Variants in KSR2 observed in about 807,000 individuals in gnomAD.
The protein encoded by KSR2 is kinase suppressor of ras 2.
Under a neutral mutation model 107.8 loss-of-function variants are expected in KSR2, and 25 were observed. The ratio of observed to expected loss-of-function variants is 0.23; its 90% CI spans 0.17 to 0.32. The LOEUF is 0.32. Ranked by LOEUF, KSR2 falls within the 10% of genes least tolerant of loss-of-function variation. The pLI is 1.00. For synonymous variants in KSR2, 480 were observed against 507.0 expected (o/e 0.95, Z 0.71); for missense variants, 887 against 1,268.9 (o/e 0.70, Z 4.57).
At position 117,822,248 on chromosome 12, in the gene KSR2, TA is replaced by T. The variant is rs546127140; in HGVS notation, c.472+33179del. On this transcript the variant is annotated intron_variant, in intron 3 of 19. Coordinates refer to ENST00000339824, the MANE Select transcript of KSR2 (RefSeq NM_173598.6). ...CCTTGGGGCTGCTCTGTCTATGGAG[TA>T]GCCATTCTTTTATTTCTCTACTTTC... is the stretch of plus-strand genomic sequence containing the variant. Among the ~76,000 whole-genome samples the T allele has an allele frequency of 2.5e-3, 378 of 152,180 alleles. 2 individuals are homozygous for T. The highest frequency in any genetic ancestry group is 8.6e-3 in the African/African-American group (355 of 41,506).
At chr12:117,665,722 C>T (rs1276854458) in intron 5 of KSR2, among the ~76,000 whole-genome samples, 1 of 152,226 alleles carries the variant, frequency 6.6e-6, no homozygotes, top group Non-Finnish European at 1.5e-5. Context: ...CATGCATGAG[C>T]TCATCTAATC....
intron 7 of KSR2, among the ~76,000 whole-genome samples, chr12:117,572,597 G>A (rs2136218946): frequency 6.6e-6 from 1 of 151,200 alleles, no homozygotes; most frequent in South Asian, 2.1e-4. Context: ...AATCTGAGAA[G>A]AGAAAATGGG....
In KSR2 at chr12:117,476,612, C is replaced by T. The variant is rs1871799096; in HGVS notation, c.2451-17G>A. On this transcript the variant is annotated splice_polypyrimidine_tract_variant and intron_variant, in intron 16 of 19. Transcript: ENST00000339824. ...TCCTCCCGCCTGGAGAAGCAAAGCA[C>T]AGGATGAGCTCTGTTTCATAGCCCA... 6.2e-7 allele frequency: 1 copy of T among 1,605,002 alleles called. No individual in the cohort carries two copies. Among genetic ancestry groups the T allele is most frequent in the East Asian group, 2.2e-5 (1 of 44,724 alleles).
chr12:117,774,977 G>A (rs1889636223), intron 3 of KSR2, among the ~76,000 whole-genome samples: 1 of 152,194 alleles, frequency 6.6e-6, no homozygotes, highest in East Asian at 1.9e-4. Flanking sequence ...GTTCATCCAA[G>A]TGTAGCATGT....
chr12:117,877,268 T>C (rs1034660667), intron 1 of KSR2, among the ~76,000 whole-genome samples: 10 of 152,030 alleles, frequency 6.6e-5, no homozygotes, highest in African/African-American at 2.2e-4. Context: ...GCTCGGGAAG[T>C]GGAGGTTGCA....
Position 117,539,783 on chromosome 12 carries a change from C to T in KSR2, c.1623G>A (p.Thr541=), listed in dbSNP as rs55691845. Residue 541 remains threonine, a synonymous_variant, in exon 10 of 20, where the codon ACG becomes ACA. Coordinates refer to ENST00000339824, the MANE Select transcript of KSR2 (RefSeq NM_173598.6). ...SPAPPLPPSA[T]PPSPLHPSPQ... Reference sequence around the variant, plus strand: ...GGGAAGGGTGTAGGGGAGAAGGCGGCGTGGCACTAGGAGGGAGGGGGGGTG... The same window carrying T: ...GGGAAGGGTGTAGGGGAGAAGGCGGTGTGGCACTAGGAGGGAGGGGGGGTG... 1,978 of 1,606,574 alleles carry T rather than the reference C, an allele frequency of 1.2e-3. 52 individuals carry two copies. In the East Asian group the frequency reaches 0.036, roughly 30 times the overall value.
At chr12:117,764,727 T>A (rs898546185) in intron 3 of KSR2, among the ~76,000 whole-genome samples, 1 of 152,172 alleles carries the variant, frequency 6.6e-6, no homozygotes, top group African/African-American at 2.4e-5. Context: ...TCGGATGACT[T>A]GGGCTCCAAA....
At chr12:117,948,549 A>T (rs1896266164) in intron 1 of KSR2, among the ~76,000 whole-genome samples, 1 of 152,164 alleles carries the variant, frequency 6.6e-6, no homozygotes, top group South Asian at 2.1e-4. Flanking sequence ...ATATTGACAA[A>T]GGAATACACA....
chr12:117,468,970 C>A (rs1346668823), intron 19 of KSR2, among the ~76,000 whole-genome samples: 1 of 152,116 alleles, frequency 6.6e-6, no homozygotes, highest in Non-Finnish European at 1.5e-5. Flanking sequence ...TACCTGGGAG[C>A]AACTGGCAGA....
chr12:117,675,330 C>G (rs1885071971), intron 4 of KSR2, among the ~76,000 whole-genome samples: 1 of 152,184 alleles, frequency 6.6e-6, no homozygotes, highest in South Asian at 2.1e-4. Flanking sequence ...TATGTGACAT[C>G]TTCTATTTGT....
chr12:117,941,349 C>T (rs1012946932), intron 1 of KSR2, among the ~76,000 whole-genome samples: 12 of 151,146 alleles, frequency 7.9e-5, no homozygotes, highest in African/African-American at 2.4e-4. Context: ...ATAAAACTCA[C>T]ACCTCTTTCT....
chr12:117,799,253 G>A (rs1890744299), intron 3 of KSR2, among the ~76,000 whole-genome samples: 1 of 152,324 alleles, frequency 6.6e-6, no homozygotes, highest in South Asian at 2.1e-4. Flanking sequence ...TGTAACCCCA[G>A]CACTTTGTGA....
chr12:117,523,558 C>T (rs993633937), intron 14 of KSR2, among the ~76,000 whole-genome samples: 13 of 152,220 alleles, frequency 8.5e-5, no homozygotes, highest in African/African-American at 3.1e-4. Context: ...GTCCAAGAAA[C>T]ATTTTCGCAA....
chr12:117,534,758 T>C (rs778716285), intron 10 of KSR2, among the ~76,000 whole-genome samples: 4 of 151,822 alleles, frequency 2.6e-5, no homozygotes, highest in Non-Finnish European at 5.9e-5. Flanking sequence ...ATCATCTGGG[T>C]GGGCTCAATG....
intron 5 of KSR2, among the ~76,000 whole-genome samples, chr12:117,606,626 TTCTTCCCTACTTCTTTC>T: frequency 1.8e-5 from 2 of 111,982 alleles, no homozygotes; most frequent in Non-Finnish European, 3.6e-5. Flanking sequence ...CTCCCTCCCT[TTCTTCCCTACTTCTTTC>T]CCTTCTTCCT....
In KSR2 at chr12:117,852,917, T is replaced by G. The variant is rs144936279; in HGVS notation, c.472+2511A>C. ...CCCAGGTTCAAGAGATTCTCCTGCC[T>G]CAGCCTCCCAAATAGCTGGGATTAC... On this transcript the variant is annotated intron_variant, in intron 3 of 19. Transcript: ENST00000339824. 8.4e-3 allele frequency among the ~76,000 whole-genome samples: 1,275 copies of G among 152,332 alleles called. 19 individuals are homozygous for G. Among genetic ancestry groups the G allele is most frequent in the African/African-American group, 0.029 (1,214 of 41,578 alleles).
At chr12:117,722,002 T>C (rs1287083282) in intron 4 of KSR2, among the ~76,000 whole-genome samples, 2 of 152,206 alleles carry the variant, frequency 1.3e-5, no homozygotes, top group African/African-American at 4.8e-5. Context: ...GAAATACAGC[T>C]AGCGCAACTG....
chr12:117,758,537 G>C (rs1175702242), intron 4 of KSR2, among the ~76,000 whole-genome samples: 4 of 152,142 alleles, frequency 2.6e-5, no homozygotes, highest in African/African-American at 9.7e-5. Context: ...CAGCCTTGAG[G>C]AAGTGATGAG....
At chr12:117,594,283 C>A (rs1302998425) in intron 5 of KSR2, among the ~76,000 whole-genome samples, 2 of 152,132 alleles carry the variant, frequency 1.3e-5, no homozygotes, top group Non-Finnish European at 2.9e-5. Flanking sequence ...AAGCTTGCTG[C>A]CAAAGACCCC....
Sources: allele counts gnomAD v4.1 joint callset (sites outside exome capture counted in the v4.1 genomes callset), GRCh38; gene constraint gnomAD v4.1.1; transcripts MANE v1.5; gene names NCBI Gene and HGNC (gene_info 2026-07-23, HGNC 2026-07-21).